The following SMARCA5 variants were observed in gnomAD, a reference collection of about 807,000 sequenced individuals.
SMARCA5 encodes SWI/SNF-related matrix-associated actin-dependent regulator of chromatin subfamily A member 5.
A neutral mutation model predicts 140.4 loss-of-function variants in SMARCA5; 18 were observed. That is an observed-to-expected ratio of 0.13 (90% CI 0.09 to 0.19). The LOEUF is 0.19. Among genes scored for constraint, SMARCA5 ranks in the 10% least tolerant of loss-of-function variants. The probability of loss-of-function intolerance (pLI) is 1.00; values close to 1 mark genes in which losing one functional copy is unlikely to be tolerated. For synonymous variants in SMARCA5, 449 were observed against 419.6 expected (o/e 1.07, Z -0.86); for missense variants, 606 against 1,276.8 (o/e 0.47, Z 8.01).
intron 18 of SMARCA5, 103 bp downstream of exon 18, chr4:143,545,686 A>G: frequency 2.5e-6 from 2 of 812,476 alleles, no homozygotes; most frequent in Non-Finnish European, 4.0e-6. Context: ...AGTGTGAAAC[A>G]ATACTGCTTT....
chr4:143,516,003 A>G (rs1291512642), intron 1 of SMARCA5, among the ~76,000 whole-genome samples: 1 of 140,430 alleles, frequency 7.1e-6, no homozygotes, highest in Non-Finnish European at 1.6e-5. Context: ...TTTGTCTTTT[A>G]AAATGTCAGT....
intron 2 of SMARCA5, among the ~76,000 whole-genome samples, chr4:143,517,837 AC>A (rs1260400032): frequency 1.3e-5 from 2 of 152,212 alleles, no homozygotes; most frequent in Non-Finnish European, 2.9e-5. Context: ...ACACAGTCAA[AC>A]CATAGCAATG....
chr4:143,530,118 C>T (rs532027974), intron 8 of SMARCA5, among the ~76,000 whole-genome samples: 1 of 152,254 alleles, frequency 6.6e-6, no homozygotes, highest in East Asian at 1.9e-4. Context: ...AGAGAACAAA[C>T]TATAAAATGT....
intron 9 of SMARCA5, among the ~76,000 whole-genome samples, chr4:143,534,038 A>T (rs902093435): frequency 6.6e-6 from 1 of 152,284 alleles, no homozygotes; most frequent in Non-Finnish European, 1.5e-5. Flanking sequence ...TCTATCAATA[A>T]ACACCGTTTT....
chr4:143,540,567 G>A, intron 14 of SMARCA5, 72 bp downstream of exon 14: 1 of 1,421,242 alleles, frequency 7.0e-7, no homozygotes, highest in Non-Finnish European at 9.6e-7. Context: ...AATCGTCTTA[G>A]AAGATTCTTG....
chr4:143,541,850 T>C (rs116257496), intron 14 of SMARCA5, among the ~76,000 whole-genome samples: 1,768 of 152,118 alleles, frequency 0.012, 41 homozygotes, highest in African/African-American at 0.039. Context: ...GTTATTTTCA[T>C]CCATGAAACA....
At position 143,555,582 on chromosome 4, in the gene SMARCA5, TAAC is replaced by T. The variant is rs1343420451; in HGVS notation, c.*2404_*2406del. ...CTGAATAAATGTCTTTTTTTTTTTT[TAAC>T]AACAAAGCATGAAAGATTGCTTAAT... On this transcript the variant is annotated 3_prime_UTR_variant, in exon 24 of 24. Transcript: ENST00000283131. 6 of 306,128 alleles carry T rather than the reference TAAC, an allele frequency of 2.0e-5. No individual in the cohort carries two copies. Among genetic ancestry groups the T allele is most frequent in the East Asian group, 8.2e-5 (1 of 12,128 alleles). The allele number at this position is 306,128 out of a possible 1,614,324, so 19.0% of individuals were successfully genotyped here.
intron 7 of SMARCA5, 115 bp from the exon 8 acceptor site, chr4:143,528,467 AT>A (rs1376543066): frequency 7.5e-6 from 6 of 803,890 alleles, no homozygotes; most frequent in Non-Finnish European, 1.2e-5. Flanking sequence ...TATGTGCCAT[AT>A]TTTCTTTAAC....
rs776653988 is a variant in SMARCA5 at position 143,521,554 on chromosome 4, A to G, written c.378A>G (p.Arg126=). The G allele has an allele frequency of 2.7e-5, 43 of 1,613,498 alleles. 2 individuals carry two copies. The South Asian group carries it at 4.6e-4, about 17-fold the overall frequency. The change falls in exon 3 of 24, where the codon CGA becomes CGG. Residue 126 remains arginine, a synonymous_variant. Transcript: ENST00000283131. ...SPLKMKPGRP[R]IKKDEKQNLL... is the part of the protein sequence containing the mutation. ...TGAAGATGAAACCAGGGCGCCCACG[A>G]ATAAAAAAAGATGAGAAGCAGAACT...
chr4:143,536,601 C>T lies in SMARCA5; in HGVS notation c.1418C>T (p.Thr473Ile). ...GGAGCAGAACCTGGTCCACCTTATA[C>T]AACAGATATGCATCTAGTAACCAAC... ...FDGAEPGPPYTTDMHLVTNSG... is the reference protein window; with the variant it reads ...FDGAEPGPPYITDMHLVTNSG... The change falls in exon 11 of 24, where the codon ACA becomes ATA. Residue 473 changes from threonine to isoleucine, a missense_variant. By Grantham distance (89) the Thr-to-Ile change is moderately conservative. Transcript: ENST00000283131. The T allele has an allele frequency of 6.2e-7, 1 of 1,613,754 alleles. No individual in the cohort carries two copies. Among genetic ancestry groups the T allele is most frequent in the Non-Finnish European group, 8.5e-7 (1 of 1,179,754 alleles).
Position 143,545,917 on chromosome 4 carries a change from T to C in SMARCA5, c.2398-8T>C, listed in dbSNP as rs756403488. On this transcript the variant is annotated splice_polypyrimidine_tract_variant and splice_region_variant and intron_variant, in intron 18 of 23. Transcript: ENST00000283131. ...ACTGATTTGATGGCATAGAAAAATA[T>C]CTTTTAGGTACCTCGAAATCCTGAG... 2.5e-6 allele frequency: 4 copies of C among 1,595,030 alleles called. No individual in the cohort carries two copies. The highest frequency in any genetic ancestry group is 2.3e-5 in the South Asian group (2 of 86,992).
intron 1 of SMARCA5, among the ~76,000 whole-genome samples, chr4:143,516,465 C>T (rs1224674141): frequency 3.3e-5 from 5 of 152,110 alleles, no homozygotes; most frequent in Non-Finnish European, 5.9e-5. Flanking sequence ...GGTTGCATTT[C>T]ATGGCATTTT....
intron 8 of SMARCA5, among the ~76,000 whole-genome samples, chr4:143,529,870 G>A (rs1427006068): frequency 6.6e-6 from 1 of 152,004 alleles, no homozygotes; most frequent in Non-Finnish European, 1.5e-5. Context: ...GATAATTCCT[G>A]TTTCTCACTA....
rs1737691117 is a variant in SMARCA5, at chr4:143,553,711, A to G, written c.*527A>G. 6.6e-6 allele frequency: 1 copy of G among 152,256 alleles called. No homozygotes were observed. Among genetic ancestry groups the G allele is most frequent in the Admixed American group, 6.5e-5 (1 of 15,294 alleles). 9.4% of individuals were successfully genotyped at this position (152,256 alleles called of 1,614,324 possible). A position where few individuals can be genotyped will look rare whatever the true frequency, so the allele number is the denominator to read the frequency against. ...TAGAATGGGAAAAGAAGGCAAGACA[A>G]AGTATACTTAAATTCTATGCATATT... is the stretch of plus-strand genomic sequence containing the variant. On this transcript the variant is annotated 3_prime_UTR_variant, in exon 24 of 24. Transcript: ENST00000283131.
intron 3 of SMARCA5, among the ~76,000 whole-genome samples, chr4:143,523,611 A>G (rs1578793158): frequency 6.6e-6 from 1 of 152,212 alleles, no homozygotes; most frequent in East Asian, 1.9e-4. Context: ...ATAACAAACA[A>G]GAAGGCCCTT....
Position 143,514,068 on chromosome 4 carries a change from G to A in SMARCA5, c.144G>A (p.Ala48=), listed in dbSNP as rs769482645. 3.2e-6 allele frequency: 5 copies of A among 1,561,196 alleles called. No individual in the cohort carries two copies. The highest frequency in any genetic ancestry group is 1.2e-5 in the South Asian group (1 of 86,948). ...TCGCGGCGCAGGCGGTTGCGTCTGC[G>A]GCCAGCGCTGGTCCCGCAGACGCCG... ...EGVAAQAVAS[A]ASAGPADAEM... is the part of the protein sequence containing the mutation. The change falls in exon 1 of 24, where the codon GCG becomes GCA. Residue 48 remains alanine, a synonymous_variant. Coordinates refer to ENST00000283131, the MANE Select transcript of SMARCA5 (RefSeq NM_003601.4).
Position 143,556,916 on chromosome 4 carries a change from A to G in SMARCA5, c.*3732A>G, listed in dbSNP as rs1737771482. The G allele has an allele frequency of 6.6e-6, 1 of 152,234 alleles. No homozygotes were observed. The highest frequency in any genetic ancestry group is 1.5e-5 in the Non-Finnish European group (1 of 68,040). 9.4% of individuals were successfully genotyped at this position (152,234 alleles called of 1,614,324 possible). ...TTGAAGTAAGAAGAAAAAGACTGAA[A>G]TGATATGATTCTAAATGAAAAAAAT... On this transcript the variant is annotated 3_prime_UTR_variant, in exon 24 of 24. Coordinates refer to ENST00000283131, the MANE Select transcript of SMARCA5 (RefSeq NM_003601.4).
chr4:143,554,997 A>C lies in SMARCA5; in HGVS notation c.*1813A>C. The C allele has an allele frequency of 2.1e-6, 1 of 468,156 alleles. No homozygotes were observed. Among genetic ancestry groups the C allele is most frequent in the Non-Finnish European group, 4.1e-6 (1 of 243,088 alleles). The allele number at this position is 468,156 out of a possible 1,614,324, so 29.0% of individuals were successfully genotyped here. ...GCCCTGCCACCACTGTGTTTGGCCAAGTTCACAAATCTGTTTTAACCTGTC... is the reference window on the plus strand; with the variant it reads ...GCCCTGCCACCACTGTGTTTGGCCACGTTCACAAATCTGTTTTAACCTGTC... On this transcript the variant is annotated 3_prime_UTR_variant, in exon 24 of 24. Coordinates refer to ENST00000283131, the MANE Select transcript of SMARCA5 (RefSeq NM_003601.4).
chr4:143,550,231 T>A, intron 23 of SMARCA5, 127 bp downstream of exon 23: 1 of 376,664 alleles, frequency 2.7e-6, no homozygotes, highest in Non-Finnish European at 4.9e-6. Flanking sequence ...TTTACTTTTT[T>A]TTTTTTTTTT....
Sources: gnomAD v4.1 joint callset for allele counts (sites outside exome capture counted in the v4.1 genomes callset) on GRCh38, gnomAD v4.1.1 for gene constraint, MANE v1.5 for transcripts, NCBI Gene and HGNC (gene_info 2026-07-23, HGNC 2026-07-21) for gene names.